The following TBCD variants were observed in gnomAD, a reference collection of about 807,000 sequenced individuals.
TBCD encodes tubulin folding cofactor D.
A neutral mutation model predicts 169.3 loss-of-function variants in TBCD; 105 were observed. That is an observed-to-expected ratio of 0.62 (90% CI 0.53 to 0.73). The LOEUF (loss-of-function observed/expected upper bound fraction) is 0.73, where lower values mean the gene tolerates loss of function less well. TBCD is among the 30% of genes least tolerant of loss of function. The pLI, the probability that TBCD is intolerant of heterozygous loss-of-function variation, is 0.00. For missense variants in TBCD, 1,444 were observed against 1,600.1 expected (o/e 0.90, Z 1.66); for synonymous variants, 700 against 643.9 (o/e 1.09, Z -1.32).
intron 13 of TBCD, among the ~76,000 whole-genome samples, chr17:82,834,085 C>T (rs148260569): frequency 0.042 from 6,415 of 152,240 alleles, 264 homozygotes; most frequent in African/African-American, 0.11. Flanking sequence ...GCTGGAATTA[C>T]AGGCGCCCAC....
intron 13 of TBCD, among the ~76,000 whole-genome samples, chr17:82,851,820 G>C (rs977426498): frequency 6.6e-6 from 1 of 152,234 alleles, no homozygotes; most frequent in East Asian, 1.9e-4. Flanking sequence ...GGCATGTTAA[G>C]AATATCTTTT....
chr17:82,797,962 CTTTTTTTTTTTTTT>C (rs60671571), intron 8 of TBCD, among the ~76,000 whole-genome samples, 160 bp downstream of exon 8: 5 of 49,038 alleles, frequency 1.0e-4, no homozygotes, highest in East Asian at 7.2e-4. Context: ...AGTAACTGAA[CTTTTTTTTTTTTTT>C]TTTTTTTTTT....
intron 27 of TBCD, among the ~76,000 whole-genome samples, chr17:82,925,826 G>T (rs2061698070): frequency 6.6e-6 from 1 of 152,198 alleles, no homozygotes; most frequent in Admixed American, 6.5e-5. Flanking sequence ...CAATACCCCA[G>T]GTCTCAGCGT....
At chr17:82,825,244 G>T (rs2052738764) in intron 13 of TBCD, among the ~76,000 whole-genome samples, 1 of 152,048 alleles carries the variant, frequency 6.6e-6, no homozygotes, top group Non-Finnish European at 1.5e-5. Flanking sequence ...ATCAAATGGT[G>T]TTCTCAGAAT....
At chr17:82,888,431 C>T (rs2058901339) in intron 15 of TBCD, among the ~76,000 whole-genome samples, 1 of 152,256 alleles carries the variant, frequency 6.6e-6, no homozygotes. Context: ...TACATGTCTT[C>T]CTAATAGTGT....
At chr17:82,860,437 G>A (rs1599000118) in intron 13 of TBCD, 2 of 985,486 alleles carry the variant, frequency 2.0e-6, no homozygotes, top group Non-Finnish European at 2.4e-6. Context: ...AGACACAGGT[G>A]GAAGGAACCA....
chr17:82,775,928 T>C (rs944041197), intron 6 of TBCD, among the ~76,000 whole-genome samples: 11 of 152,076 alleles, frequency 7.2e-5, no homozygotes, highest in Non-Finnish European at 1.5e-4. Flanking sequence ...TTAATAGATA[T>C]GCCTTTCGCC....
At chr17:82,906,821 AGG>A (rs1182995337) in intron 20 of TBCD, among the ~76,000 whole-genome samples, 1 of 152,246 alleles carries the variant, frequency 6.6e-6, no homozygotes, top group Non-Finnish European at 1.5e-5. Flanking sequence ...CAGCTCCTTC[AGG>A]GACGCTCGCT....
chr17:82,753,687 CA>C lies in TBCD; in HGVS notation c.184+1312del, dbSNP rs1375083854. ...CAGGCTGGTCTCAAACTCCTGACCT[CA>C]AGTGGTCGCCCGACTCAGCCTCCCA... On this transcript the variant is annotated intron_variant, in intron 1 of 38. Coordinates refer to ENST00000355528, the MANE Select transcript of TBCD (RefSeq NM_005993.5). 4.6e-5 allele frequency among the ~76,000 whole-genome samples: 7 copies of C among 151,002 alleles called. No individual in the cohort carries two copies. In the East Asian group the frequency reaches 1.4e-3, roughly 30 times the overall value.
chr17:82,899,392 G>A (rs1368130523), intron 17 of TBCD, among the ~76,000 whole-genome samples: 2 of 149,132 alleles, frequency 1.3e-5, no homozygotes, highest in African/African-American at 2.5e-5. Context: ...CTCAGCACGC[G>A]TGTCCTCAGC....
intron 13 of TBCD, among the ~76,000 whole-genome samples, chr17:82,863,819 G>T (rs924631449): frequency 6.6e-6 from 1 of 152,216 alleles, no homozygotes; most frequent in Non-Finnish European, 1.5e-5. Context: ...GGTGCTGCCT[G>T]ATAGCAGAGG....
intron 7 of TBCD, 38 bp downstream of exon 7, chr17:82,781,759 A>T: frequency 6.3e-7 from 1 of 1,590,524 alleles, no homozygotes; most frequent in Non-Finnish European, 8.6e-7. Flanking sequence ...GATCGCAGGG[A>T]AATGGCGCCT....
At chr17:82,768,046 CCTTTTTT>C (rs974582560) in intron 4 of TBCD, among the ~76,000 whole-genome samples, 4 of 152,024 alleles carry the variant, frequency 2.6e-5, no homozygotes, top group African/African-American at 7.2e-5. Flanking sequence ...CCACACCTGG[CCTTTTTT>C]CTTTATTCTT....
At chr17:82,828,288 C>A (rs1355734570) in intron 13 of TBCD, among the ~76,000 whole-genome samples, 2 of 102,994 alleles carry the variant, frequency 1.9e-5, no homozygotes, top group Non-Finnish European at 3.9e-5. Flanking sequence ...ACACACCCCC[C>A]CACAGGCACA....
rs890476153 is a variant in TBCD, at chr17:82,849,664, G to C, written c.1319-20560G>C. Among the ~76,000 whole-genome samples, 36 of 152,234 alleles carry C rather than the reference G, an allele frequency of 2.4e-4. 1 individual carries two copies. Among genetic ancestry groups the C allele is most frequent in the African/African-American group, 4.8e-5 (2 of 41,448 alleles). On this transcript the variant is annotated intron_variant, in intron 13 of 38. Transcript: ENST00000355528. ...GAGAATCCTCGTGGTCGCCCCGGGGGTGGGACTGCCATTGTCCAGAGAGAC... is the reference window on the plus strand; with the variant it reads ...GAGAATCCTCGTGGTCGCCCCGGGGCTGGGACTGCCATTGTCCAGAGAGAC...
chr17:82,806,795 A>G lies in TBCD; in HGVS notation c.1087+784A>G, dbSNP rs1365670956. On this transcript the variant is annotated intron_variant, in intron 10 of 38. Transcript: ENST00000355528. The surrounding 1 kb of genome is among the most constrained non-coding windows in gnomAD (Gnocchi z 5.1). ...GCCTGTGGCACCGTTGCCAGCCCCG[A>G]GCCAGCATCCACTCCGGCCCTTCCC... Among the ~76,000 whole-genome samples, 1 of 152,060 alleles carries G rather than the reference A, an allele frequency of 6.6e-6. No homozygotes were observed. The highest frequency in any genetic ancestry group is 1.5e-5 in the Non-Finnish European group (1 of 68,012).
chr17:82,790,865 C>G (rs2049670848), intron 7 of TBCD, among the ~76,000 whole-genome samples: 1 of 152,134 alleles, frequency 6.6e-6, no homozygotes, highest in Non-Finnish European at 1.5e-5. Context: ...CAGAGAAGCT[C>G]AGACCCCTCT....
chr17:82,924,886 T>C, intron 26 of TBCD, 53 bp from the exon 27 acceptor site: 1 of 1,437,188 alleles, frequency 7.0e-7, no homozygotes, highest in Non-Finnish European at 9.6e-7. Context: ...CGGGTGTGGC[T>C]GTACACGATG....
intron 18 of TBCD, among the ~76,000 whole-genome samples, chr17:82,902,436 T>C (rs2059955776): frequency 6.6e-6 from 1 of 152,248 alleles, no homozygotes. Flanking sequence ...TCTCAGGTGC[T>C]TTGTCTTTTC....
Sources: gnomAD v4.1 joint callset for allele counts (sites outside exome capture counted in the v4.1 genomes callset) on GRCh38, gnomAD v4.1.1 for gene constraint, Gnocchi (gnomAD v3.1) non-coding constraint, MANE v1.5 for transcripts, NCBI Gene and HGNC (gene_info 2026-07-23, HGNC 2026-07-21) for gene names.